Variants in MCTP1 observed in about 807,000 individuals in gnomAD.
The protein encoded by MCTP1 is multiple C2 and transmembrane domain containing 1.
MCTP1 carries 69 observed loss-of-function variants against 120.6 expected under a neutral mutation model. That is an observed-to-expected ratio of 0.57 (90% confidence interval 0.47 to 0.70). The LOEUF (loss-of-function observed/expected upper bound fraction) is 0.70, where lower values mean the gene tolerates loss of function less well. MCTP1 is among the 30% of genes least tolerant of loss of function. MCTP1 has a pLI of 0.00. For synonymous variants in MCTP1, 529 were observed against 493.1 expected (o/e 1.07, Z -0.96); for missense variants, 1,203 against 1,248.8 (o/e 0.96, Z 0.55).
At chr5:94,734,354 C>T (rs1455398487) in intron 19 of MCTP1, among the ~76,000 whole-genome samples, 1 of 152,140 alleles carries the variant, frequency 6.6e-6, no homozygotes, top group Non-Finnish European at 1.5e-5. Context: ...TAAACACAAA[C>T]ATAGAGTAAA....
Position 95,283,968 on chromosome 5 carries a change from C to T in MCTP1, c.608G>A (p.Gly203Asp). ...CAGCAGCTGCTCCAGGCAGGCGGTGCCCGGCAGAGAGGAGCTCTTCTGGTG... is the reference window on the plus strand; with the variant it reads ...CAGCAGCTGCTCCAGGCAGGCGGTGTCCGGCAGAGAGGAGCTCTTCTGGTG... ...LCHQKSSSLP[G>D]TACLEQLLEP... Residue 203 changes from glycine to aspartate, a missense_variant, in exon 1 of 23, where the codon GGC becomes GAC. By Grantham distance (94) the Gly-to-Asp change is moderately conservative (BLOSUM62 -1). Around this residue, in one of 2 missense-constraint regions of MCTP1, gnomAD observed 463 missense variants for 377.8 expected, o/e 1.23. Transcript: ENST00000515393. 7.0e-7 allele frequency: 1 copy of T among 1,425,936 alleles called. No homozygotes were observed. The allele number at this position is 1,425,936 out of a possible 1,614,324, so 88.3% of individuals were successfully genotyped here. A position where few individuals can be genotyped will look rare whatever the true frequency, so the allele number is the denominator to read the frequency against.
chr5:94,936,014 T>C (rs980348427), intron 5 of MCTP1, among the ~76,000 whole-genome samples: 11 of 152,064 alleles, frequency 7.2e-5, no homozygotes, highest in African/African-American at 2.7e-4. Context: ...CCAGAGAATT[T>C]ATTAAGCTGA....
intron 19 of MCTP1, among the ~76,000 whole-genome samples, chr5:94,749,240 T>G (rs1328680965): frequency 6.6e-6 from 1 of 152,230 alleles, no homozygotes; most frequent in Admixed American, 6.5e-5. Context: ...TACCCTTTGC[T>G]GTGGATGACT....
intron 9 of MCTP1, among the ~76,000 whole-genome samples, chr5:94,910,173 C>T (rs1373301389): frequency 2.1e-5 from 2 of 96,334 alleles, no homozygotes; most frequent in South Asian, 3.2e-4. Context: ...TGCATGTATA[C>T]ATATATGTAT....
chr5:94,800,129 C>T (rs1780899115), intron 17 of MCTP1, among the ~76,000 whole-genome samples: 1 of 152,296 alleles, frequency 6.6e-6, no homozygotes, highest in South Asian at 2.1e-4. Context: ...GGATTATCCA[C>T]CTCAGGGTTG....
At chr5:95,279,549 T>C (rs1760142157) in intron 1 of MCTP1, among the ~76,000 whole-genome samples, 1 of 152,198 alleles carries the variant, frequency 6.6e-6, no homozygotes, top group African/African-American at 2.4e-5. Flanking sequence ...ATAGCAGCAA[T>C]TGCAAAACTT....
At chr5:95,162,036 C>G (rs1024421085) in intron 1 of MCTP1, among the ~76,000 whole-genome samples, 3 of 152,274 alleles carry the variant, frequency 2.0e-5, no homozygotes, top group African/African-American at 7.2e-5. Context: ...GGAGAATGGT[C>G]TGCTCCAAGC....
intron 1 of MCTP1, among the ~76,000 whole-genome samples, chr5:95,282,655 T>G (rs1003853818): frequency 2.0e-5 from 3 of 152,222 alleles, no homozygotes; most frequent in African/African-American, 7.2e-5. Flanking sequence ...TTATCTCTAC[T>G]TACTCTTCTG....
chr5:95,229,636 G>C (rs1370696483), intron 1 of MCTP1, among the ~76,000 whole-genome samples: 1 of 151,998 alleles, frequency 6.6e-6, no homozygotes, highest in Non-Finnish European at 1.5e-5. Flanking sequence ...AGCTACTCAA[G>C]AGGCTGAGGC....
At chr5:94,790,065 TGAGA>T (rs1306653760) in intron 18 of MCTP1, among the ~76,000 whole-genome samples, 3 of 152,110 alleles carry the variant, frequency 2.0e-5, no homozygotes, top group African/African-American at 7.2e-5. Flanking sequence ...GATAATATAC[TGAGA>T]GTGTTGTGAT....
intron 1 of MCTP1, among the ~76,000 whole-genome samples, chr5:95,147,018 T>G (rs942971530): frequency 6.6e-6 from 1 of 152,182 alleles, no homozygotes; most frequent in Non-Finnish European, 1.5e-5. Flanking sequence ...AGTCTTTTCA[T>G]AGGTCAAAAA....
chr5:95,192,889 G>T (rs1040028937), intron 1 of MCTP1, among the ~76,000 whole-genome samples: 1 of 152,108 alleles, frequency 6.6e-6, no homozygotes, highest in Non-Finnish European at 1.5e-5. Context: ...TGAGGGAATA[G>T]ATTGCTACTT....
At chr5:94,867,621 C>T in intron 17 of MCTP1, 1 of 386,154 alleles carries the variant, frequency 2.6e-6, no homozygotes, top group East Asian at 3.9e-5. Context: ...AAACTGAAAT[C>T]CTGAAAAAGC....
chr5:95,152,655 C>A (rs1348259791), intron 1 of MCTP1, among the ~76,000 whole-genome samples: 2 of 152,144 alleles, frequency 1.3e-5, no homozygotes, highest in Non-Finnish European at 2.9e-5. Context: ...TCCTTCAGGG[C>A]AGGGAGGTGA....
chr5:94,822,597 G>A (rs1785933886), intron 17 of MCTP1, among the ~76,000 whole-genome samples: 1 of 152,074 alleles, frequency 6.6e-6, no homozygotes, highest in South Asian at 2.1e-4. Flanking sequence ...GCTGGGTCAG[G>A]TGGTATTTCT....
At chr5:95,146,960 C>T (rs189524561) in intron 1 of MCTP1, among the ~76,000 whole-genome samples, 2 of 152,132 alleles carry the variant, frequency 1.3e-5, no homozygotes, top group South Asian at 2.1e-4. Flanking sequence ...TGATCTAATG[C>T]TATCAGTGGG....
chr5:95,113,049 T>G (rs1378002017), intron 1 of MCTP1, among the ~76,000 whole-genome samples: 2 of 152,172 alleles, frequency 1.3e-5, no homozygotes, highest in Non-Finnish European at 2.9e-5. Flanking sequence ...CCCAGCTCCC[T>G]CCAGAGAGAG....
At chr5:94,821,882 A>C (rs1785737406) in intron 17 of MCTP1, among the ~76,000 whole-genome samples, 1 of 152,198 alleles carries the variant, frequency 6.6e-6, no homozygotes. Flanking sequence ...TGCAGTTCAA[A>C]CTTATGTTGT....
intron 1 of MCTP1, among the ~76,000 whole-genome samples, chr5:95,236,319 T>G (rs1382514239): frequency 6.6e-6 from 1 of 152,242 alleles, no homozygotes; most frequent in Non-Finnish European, 1.5e-5. Context: ...TTTTAGAAGA[T>G]AGGGAATATA....
Sources: gnomAD v4.1 joint callset for allele counts (sites outside exome capture counted in the v4.1 genomes callset) on GRCh38, gnomAD v4.1.1 for gene constraint, gnomAD v4.1.1 regional missense constraint, MANE v1.5 for transcripts, NCBI Gene and HGNC (gene_info 2026-07-23, HGNC 2026-07-21) for gene names.